NDUFV3: variants seen among roughly 807,000 people sequenced by gnomAD.
NDUFV3 encodes NADH:ubiquinone oxidoreductase subunit V3.
A neutral mutation model predicts 37.5 loss-of-function variants in NDUFV3; 44 were observed. That is an observed-to-expected ratio of 1.17 (90% CI 0.92 to 1.51). The LOEUF is 1.51. NDUFV3 is among the 40% of genes most tolerant of loss of function. The pLI is 0.00. For missense variants in NDUFV3, 580 were observed against 580.4 expected, an observed-to-expected ratio of 1.00 and a Z score of 0.01; for synonymous variants, 235 against 239.3, an observed-to-expected ratio of 0.98 and a Z score of 0.17.
At chr21:42,894,550 A>G in intron 1 of NDUFV3, among the ~76,000 whole-genome samples, 1 of 63,322 alleles carries the variant, frequency 1.6e-5, no homozygotes, top group East Asian at 2.5e-4. Flanking sequence ...TATAATATAT[A>G]ATATATATAT....
rs544321687 is a variant in NDUFV3, at chr21:42,893,638, C to T, written c.48+257C>T. Among the ~76,000 whole-genome samples, 4 of 152,290 alleles carry T rather than the reference C, an allele frequency of 2.6e-5. No homozygotes were observed. In the South Asian group the frequency reaches 8.3e-4, roughly 32 times the overall value. Reference sequence around the variant, plus strand: ...GAGGCCCAGGCCGAGGCTGGCGTGCCCCGTGCCGACGGGCGCTCCCGAGGG... The same window carrying T: ...GAGGCCCAGGCCGAGGCTGGCGTGCTCCGTGCCGACGGGCGCTCCCGAGGG... On this transcript the variant is annotated intron_variant, in intron 1 of 3. Coordinates refer to ENST00000354250, the MANE Select transcript of NDUFV3 (RefSeq NM_021075.4).
Position 42,903,177 on chromosome 21 carries a change from C to G in NDUFV3, c.170-5C>G, listed in dbSNP as rs1259615033. ...AATAACATTCCTCTTTATGCCGTTTCCCAGATGTAGTGGAACCAAAGGAGA... is the reference window on the plus strand; with the variant it reads ...AATAACATTCCTCTTTATGCCGTTTGCCAGATGTAGTGGAACCAAAGGAGA... On this transcript the variant is annotated splice_polypyrimidine_tract_variant and splice_region_variant and intron_variant, in intron 2 of 3. Transcript: ENST00000354250. The G allele has an allele frequency of 1.9e-6, 3 of 1,613,958 alleles. No homozygotes were observed. The Admixed American group carries it at 5.0e-5, about 27-fold the overall frequency.
At chr21:42,898,090 T>C (rs1405159238) in intron 2 of NDUFV3, among the ~76,000 whole-genome samples, 7 of 152,226 alleles carry the variant, frequency 4.6e-5, no homozygotes, top group Admixed American at 4.6e-4. Flanking sequence ...TTCTTTTGTT[T>C]TCTTCCTCCT....
rs2058732234 is a variant in NDUFV3, at chr21:42,904,279, A to G, written c.1264+3A>G. On this transcript the variant is annotated splice_donor_region_variant and intron_variant, in intron 3 of 3. Coordinates refer to ENST00000354250, the MANE Select transcript of NDUFV3 (RefSeq NM_021075.4). ...GGACGACCGAGGCGGCACACAGGGTATACCTTGACTCGCGCTCCCAAGTGC... is the reference window on the plus strand; with the variant it reads ...GGACGACCGAGGCGGCACACAGGGTGTACCTTGACTCGCGCTCCCAAGTGC... 3.1e-6 allele frequency: 5 copies of G among 1,589,276 alleles called. No individual in the cohort carries two copies. In the Middle Eastern group the frequency reaches 5.2e-4, roughly 164 times the overall value.
At position 42,909,113 on chromosome 21, in the gene NDUFV3, T is replaced by G; in HGVS notation, c.*92T>G. The G allele has an allele frequency of 8.5e-7, 1 of 1,181,050 alleles. No individual in the cohort carries two copies. 73.2% of individuals were successfully genotyped at this position (1,181,050 alleles called of 1,614,324 possible). On this transcript the variant is annotated 3_prime_UTR_variant, in exon 4 of 4. Coordinates refer to ENST00000354250, the MANE Select transcript of NDUFV3 (RefSeq NM_021075.4). ...CACTCAAGAGTCACAAGGCCCGCTGTGCATAATCGGTTTCACTTTTACCTT... is the reference window on the plus strand; with the variant it reads ...CACTCAAGAGTCACAAGGCCCGCTGGGCATAATCGGTTTCACTTTTACCTT...
chr21:42,907,100 T>C (rs932951574), intron 3 of NDUFV3, among the ~76,000 whole-genome samples: 1 of 152,186 alleles, frequency 6.6e-6, no homozygotes, highest in African/African-American at 2.4e-5. Context: ...TGTGTTCCCG[T>C]GCTGGTTTTG....
chr21:42,906,778 C>G (rs539664655), intron 3 of NDUFV3: 1 of 481,404 alleles, frequency 2.1e-6, no homozygotes, highest in Non-Finnish European at 4.1e-6. Context: ...GTTTTGTAAC[C>G]CACGTCTTGG....
At chr21:42,904,590 C>T (rs893317784) in intron 3 of NDUFV3, among the ~76,000 whole-genome samples, 4 of 149,338 alleles carry the variant, frequency 2.7e-5, no homozygotes, top group Non-Finnish European at 5.9e-5. Context: ...TCAAGCACTT[C>T]CCCTGCCTCA....
At chr21:42,898,232 G>T (rs2058702760) in intron 2 of NDUFV3, among the ~76,000 whole-genome samples, 1 of 152,040 alleles carries the variant, frequency 6.6e-6, no homozygotes, top group Non-Finnish European at 1.5e-5. Flanking sequence ...TTAGTTTTGT[G>T]CTATGACTCC....
In NDUFV3 at chr21:42,904,517, T is replaced by C. The variant is rs1164897506; in HGVS notation, c.1264+241T>C. Among the ~76,000 whole-genome samples, 7 of 135,778 alleles carry C rather than the reference T, an allele frequency of 5.2e-5. No homozygotes were observed. In the South Asian group the frequency reaches 1.6e-3, roughly 31 times the overall value. 89.1% of individuals were successfully genotyped at this position (135,778 alleles called of 152,430 possible). On this transcript the variant is annotated intron_variant, in intron 3 of 3. Coordinates refer to ENST00000354250, the MANE Select transcript of NDUFV3 (RefSeq NM_021075.4). ...TTTTTTTTTTTTTTTTTTGAGATGG[T>C]GTCTTGCTCTGTTGCCCAGGTAGAG...
At chr21:42,906,402 C>G (rs746286368) in intron 3 of NDUFV3, among the ~76,000 whole-genome samples, 1 of 152,062 alleles carries the variant, frequency 6.6e-6, no homozygotes, top group Admixed American at 6.6e-5. Flanking sequence ...GTTCGTTGTG[C>G]GACAGGATCT....
At chr21:42,901,002 A>T (rs2048318473) in intron 2 of NDUFV3, among the ~76,000 whole-genome samples, 1 of 152,186 alleles carries the variant, frequency 6.6e-6, no homozygotes, top group Non-Finnish European at 1.5e-5. Context: ...TTGACTGAGT[A>T]ATTTCTGTGT....
chr21:42,897,158 C>G lies in NDUFV3; in HGVS notation c.169+111C>G. 4.0e-6 allele frequency: 5 copies of G among 1,261,448 alleles called. No individual in the cohort carries two copies. In the South Asian group the frequency reaches 6.4e-5, roughly 16 times the overall value. The allele number at this position is 1,261,448 out of a possible 1,614,324, so 78.1% of individuals were successfully genotyped here. ...ACTAGCTACGTAATTTATGCTTCTTCCTTTTCAGCAGTGTCCAGATTATAC... is the reference window on the plus strand; with the variant it reads ...ACTAGCTACGTAATTTATGCTTCTTGCTTTTCAGCAGTGTCCAGATTATAC... On this transcript the variant is annotated intron_variant, in intron 2 of 3. Coordinates refer to ENST00000354250, the MANE Select transcript of NDUFV3 (RefSeq NM_021075.4).
Position 42,909,407 on chromosome 21 carries a change from G to T in NDUFV3, c.*386G>T. 1 of 306,618 alleles carries T rather than the reference G, an allele frequency of 3.3e-6. No homozygotes were observed. Among genetic ancestry groups the T allele is most frequent in the Admixed American group, 4.6e-5 (1 of 21,702 alleles). The allele number at this position is 306,618 out of a possible 1,614,324, so 19.0% of individuals were successfully genotyped here. A position where few individuals can be genotyped will look rare whatever the true frequency, so the allele number is the denominator to read the frequency against. On this transcript the variant is annotated 3_prime_UTR_variant, in exon 4 of 4. Coordinates refer to ENST00000354250, the MANE Select transcript of NDUFV3 (RefSeq NM_021075.4). ...TCTGCCCACCTCCGCCTCCCAAAGT[G>T]CTGGGATTACAGGCGTGAGCCACTG...
Position 42,909,137 on chromosome 21 carries a change from T to A in NDUFV3, c.*116T>A. 9.0e-4 allele frequency: 48 copies of A among 53,142 alleles called. No individual in the cohort carries two copies. Among genetic ancestry groups the A allele is most frequent in the Non-Finnish European group, 1.9e-3 (41 of 21,804 alleles). 3.3% of individuals were successfully genotyped at this position (53,142 alleles called of 1,614,324 possible). On this transcript the variant is annotated 3_prime_UTR_variant, in exon 4 of 4. Coordinates refer to ENST00000354250, the MANE Select transcript of NDUFV3 (RefSeq NM_021075.4). The stretch of plus-strand genomic sequence containing the variant: ...GTGCATAATCGGTTTCACTTTTACC[T>A]TTTTTTTTTTTTTTTTTTTTTTGAG...
In NDUFV3 at chr21:42,909,095, G is replaced by A. The variant is rs959314751; in HGVS notation, c.*74G>A. The A allele has an allele frequency of 2.9e-5, 37 of 1,280,620 alleles. No individual in the cohort carries two copies. The African/African-American group carries it at 4.9e-4, about 17-fold the overall frequency. 79.3% of individuals were successfully genotyped at this position (1,280,620 alleles called of 1,614,324 possible). A position where few individuals can be genotyped will look rare whatever the true frequency, so the allele number is the denominator to read the frequency against. ...GAGTGCAAAAATAAAATCCACTCAAGAGTCACAAGGCCCGCTGTGCATAAT... is the reference window on the plus strand; with the variant it reads ...GAGTGCAAAAATAAAATCCACTCAAAAGTCACAAGGCCCGCTGTGCATAAT... On this transcript the variant is annotated 3_prime_UTR_variant, in exon 4 of 4. Transcript: ENST00000354250.
At chr21:42,895,813 G>A (rs1056592821) in intron 1 of NDUFV3, among the ~76,000 whole-genome samples, 2 of 151,950 alleles carry the variant, frequency 1.3e-5, no homozygotes, top group African/African-American at 4.8e-5. Context: ...TTTTCTTCTT[G>A]CAGCCTTTTT....
intron 2 of NDUFV3, among the ~76,000 whole-genome samples, chr21:42,902,222 G>GATAA (rs1275018799): frequency 2.0e-5 from 3 of 151,894 alleles, no homozygotes; most frequent in East Asian, 3.9e-4. Context: ...AGAAGAATTA[G>GATAA]ATAAATAAAT....
chr21:42,895,973 T>G (rs537338156), intron 1 of NDUFV3, among the ~76,000 whole-genome samples: 1 of 144,198 alleles, frequency 6.9e-6, no homozygotes, highest in African/African-American at 2.7e-5. Context: ...CCCAGCACTT[T>G]GGTTGTTTTT....
Sources: gnomAD v4.1 joint callset for allele counts (sites outside exome capture counted in the v4.1 genomes callset) on GRCh38, gnomAD v4.1.1 for gene constraint, MANE v1.5 for transcripts, NCBI Gene and HGNC (gene_info 2026-07-23, HGNC 2026-07-21) for gene names.